FYB1: variants seen among roughly 807,000 people sequenced by gnomAD.
The protein encoded by FYB1 is FYN-binding protein 1.
A neutral mutation model predicts 94.1 loss-of-function variants in FYB1; 41 were observed. That is an observed-to-expected ratio of 0.44 (90% CI 0.34 to 0.57). The LOEUF is 0.57. FYB1 is among the 20% of genes least tolerant of loss of function. The pLI is 0.02. For synonymous variants in FYB1, 367 were observed against 353.2 expected, an observed-to-expected ratio of 1.04 and a Z score of -0.44; for missense variants, 1,050 against 976.8, an observed-to-expected ratio of 1.07 and a Z score of -1.00.
At chr5:39,229,886 A>G (rs973243486) in intron 1 of FYB1, among the ~76,000 whole-genome samples, 12 of 152,188 alleles carry the variant, frequency 7.9e-5, no homozygotes, top group African/African-American at 2.9e-4. Context: ...ATTTTACAAA[A>G]TGCTGACAGC....
intron 1 of FYB1, among the ~76,000 whole-genome samples, chr5:39,208,617 G>A (rs1480227549): frequency 1.3e-5 from 2 of 152,176 alleles, no homozygotes; most frequent in Admixed American, 1.3e-4. Context: ...AGGACAACAA[G>A]AGGCTGTGAG....
chr5:39,257,969 A>C (rs6897976), intron 1 of FYB1, among the ~76,000 whole-genome samples: 28,270 of 152,122 alleles, frequency 0.19, 3,667 homozygotes, highest in African/African-American at 0.36. Flanking sequence ...TGGGTTTGGG[A>C]GATCTCAAAC....
At chr5:39,196,503 T>C (rs1276393259) in intron 2 of FYB1, among the ~76,000 whole-genome samples, 1 of 152,202 alleles carries the variant, frequency 6.6e-6, no homozygotes, top group African/African-American at 2.4e-5. Flanking sequence ...TCTGGTTAAA[T>C]AGAATTCTGT....
chr5:39,108,389 A>C, intron 17 of FYB1, 127 bp from the exon 18 acceptor site: 1 of 777,554 alleles, frequency 1.3e-6, no homozygotes, highest in Non-Finnish European at 1.9e-6. Context: ...CATAGTATGC[A>C]TTTATAAGTA....
intron 1 of FYB1, among the ~76,000 whole-genome samples, chr5:39,230,784 G>C (rs1046352426): frequency 5.3e-5 from 8 of 150,560 alleles, no homozygotes; most frequent in African/African-American, 7.4e-5. Flanking sequence ...AAACCCAACT[G>C]GACAGGGTAC....
chr5:39,141,857 G>A (rs1480289083), intron 3 of FYB1, among the ~76,000 whole-genome samples: 1 of 148,330 alleles, frequency 6.7e-6, no homozygotes, highest in Non-Finnish European at 1.5e-5. Flanking sequence ...GTGCAATAGA[G>A]TAAGATTCTG....
chr5:39,228,752 T>G (rs1229685839), intron 1 of FYB1, among the ~76,000 whole-genome samples: 1 of 152,218 alleles, frequency 6.6e-6, no homozygotes, highest in Non-Finnish European at 1.5e-5. Context: ...TTCTTATATA[T>G]GAACTTCCCT....
chr5:39,168,821 T>A (rs903820026), intron 2 of FYB1, among the ~76,000 whole-genome samples: 10 of 152,202 alleles, frequency 6.6e-5, no homozygotes, highest in African/African-American at 2.4e-4. Flanking sequence ...TTTCTTTTTT[T>A]AATCAAAATA....
intron 1 of FYB1, among the ~76,000 whole-genome samples, chr5:39,233,166 T>C (rs1750822686): frequency 6.6e-6 from 1 of 152,182 alleles, no homozygotes; most frequent in Non-Finnish European, 1.5e-5. Flanking sequence ...AACATTTCAT[T>C]TTAAAAAGTT....
chr5:39,238,261 CTGTG>C (rs573852052), intron 1 of FYB1, among the ~76,000 whole-genome samples: 2 of 151,328 alleles, frequency 1.3e-5, no homozygotes, highest in Admixed American at 1.3e-4. Context: ...TATAATATAT[CTGTG>C]TGTGTGTGTA....
chr5:39,135,367 T>C (rs953749735), intron 7 of FYB1, among the ~76,000 whole-genome samples: 36 of 152,378 alleles, frequency 2.4e-4, no homozygotes, highest in African/African-American at 8.4e-4. Context: ...CTTTATGGAA[T>C]ATGCCAGGAT....
At chr5:39,163,295 ATG>A (rs1427679658) in intron 2 of FYB1, among the ~76,000 whole-genome samples, 3 of 152,374 alleles carry the variant, frequency 2.0e-5, no homozygotes, top group African/African-American at 7.2e-5. Context: ...TTTGCTTTGA[ATG>A]CAAACTGCCA....
At chr5:39,232,871 T>C (rs1750808038) in intron 1 of FYB1, among the ~76,000 whole-genome samples, 4 of 152,038 alleles carry the variant, frequency 2.6e-5, no homozygotes, top group Admixed American at 2.6e-4. Flanking sequence ...TCCAATTTCA[T>C]CCATGTCCCT....
intron 1 of FYB1, among the ~76,000 whole-genome samples, chr5:39,263,051 T>G (rs1752287802): frequency 6.6e-6 from 1 of 152,164 alleles, no homozygotes; most frequent in Non-Finnish European, 1.5e-5. Flanking sequence ...GCATTAATTG[T>G]AGGTTGTGAG....
At chr5:39,210,030 C>T (rs1034559324) in intron 1 of FYB1, among the ~76,000 whole-genome samples, 1 of 152,250 alleles carries the variant, frequency 6.6e-6, no homozygotes, top group African/African-American at 2.4e-5. Flanking sequence ...GGGAACTTGA[C>T]TCTCGCCGCA....
At chr5:39,236,586 C>G (rs931796973) in intron 1 of FYB1, among the ~76,000 whole-genome samples, 1 of 152,030 alleles carries the variant, frequency 6.6e-6, no homozygotes, top group Admixed American at 6.6e-5. Context: ...GTCAAAGGTT[C>G]TCATCATAGT....
At chr5:39,147,477 T>TGTGC (rs1357617051) in intron 3 of FYB1, among the ~76,000 whole-genome samples, 1 of 151,220 alleles carries the variant, frequency 6.6e-6, no homozygotes, top group Non-Finnish European at 1.5e-5. Flanking sequence ...TGTGTGTGTG[T>TGTGC]GTGTGTGTGT....
chr5:39,221,022 G>C (rs930941949), upstream of FYB1, among the ~76,000 whole-genome samples: 5 of 152,166 alleles, frequency 3.3e-5, no homozygotes, highest in African/African-American at 1.2e-4. Flanking sequence ...AGTTTAGGAT[G>C]CTTATTCTAT....
At chr5:39,263,631 T>C (rs979634986) in intron 1 of FYB1, among the ~76,000 whole-genome samples, 2 of 152,186 alleles carry the variant, frequency 1.3e-5, no homozygotes, top group Non-Finnish European at 2.9e-5. Context: ...TACTCTCAGA[T>C]TTCCCTGGGA....
Sources: gnomAD v4.1 joint callset for allele counts (sites outside exome capture counted in the v4.1 genomes callset) on GRCh38, gnomAD v4.1.1 for gene constraint, MANE v1.5 for transcripts, NCBI Gene and HGNC (gene_info 2026-07-23, HGNC 2026-07-21) for gene names.